SHISA6: variants seen among roughly 807,000 people sequenced by gnomAD.
The protein encoded by SHISA6 is shisa family member 6, also known as protein shisa-6.
A neutral mutation model predicts 47.9 loss-of-function variants in SHISA6; 22 were observed. The observed-to-expected ratio is 0.46, with a 90% CI of 0.33 to 0.66. The LOEUF is 0.66. SHISA6 is among the 30% of genes least tolerant of loss of function. The probability of loss-of-function intolerance (pLI) is 0.02; values close to 1 mark genes in which losing one functional copy is unlikely to be tolerated. For synonymous variants in SHISA6, 388 were observed against 337.8 expected (o/e 1.15, Z -1.63); for missense variants, 680 against 764.6 (o/e 0.89, Z 1.30).
At chr17:11,286,771 C>T (rs75194057) in intron 2 of SHISA6, among the ~76,000 whole-genome samples, 1,834 of 152,228 alleles carry the variant, frequency 0.012, 41 homozygotes, top group African/African-American at 0.042. Flanking sequence ...TCTCAAAATG[C>T]GTTTACTTGT....
chr17:11,359,359 A>G (rs1239516036), intron 2 of SHISA6, among the ~76,000 whole-genome samples: 4 of 152,230 alleles, frequency 2.6e-5, no homozygotes, highest in Non-Finnish European at 5.9e-5. Flanking sequence ...AAGGAATGCA[A>G]ACCCAGTCAA....
rs142530991 is a variant in SHISA6, at chr17:11,431,279, T to G, written c.895+51770T>G. On this transcript the variant is annotated intron_variant, in intron 3 of 5. Coordinates refer to ENST00000441885, the MANE Select transcript of SHISA6 (RefSeq NM_207386.4). Reference sequence around the variant, plus strand: ...AATTCCTAGGTGGATACAGTCCCCTTGGTAGACAGCTGCACCCTCCACACA... The same window carrying G: ...AATTCCTAGGTGGATACAGTCCCCTGGGTAGACAGCTGCACCCTCCACACA... 7.7e-3 allele frequency among the ~76,000 whole-genome samples: 1,169 copies of G among 152,246 alleles called. 23 individuals carry two copies. Among genetic ancestry groups the G allele is most frequent in the African/African-American group, 0.026 (1,100 of 41,542 alleles).
chr17:11,418,437 C>T (rs1914350784), intron 3 of SHISA6, among the ~76,000 whole-genome samples: 1 of 151,646 alleles, frequency 6.6e-6, no homozygotes, highest in Non-Finnish European at 1.5e-5. Flanking sequence ...TATTTTTTTC[C>T]TTCTGTTTTC....
At chr17:11,555,488 C>G (rs1441218155) in intron 4 of SHISA6, among the ~76,000 whole-genome samples, 1 of 151,894 alleles carries the variant, frequency 6.6e-6, no homozygotes, top group African/African-American at 2.4e-5. Context: ...ATTCGCTCCT[C>G]AGACTCAAGA....
At chr17:11,399,247 A>G (rs1410542302) in intron 3 of SHISA6, among the ~76,000 whole-genome samples, 4 of 152,276 alleles carry the variant, frequency 2.6e-5, no homozygotes, top group South Asian at 4.1e-4. Flanking sequence ...TTGTCCGGCT[A>G]CAGTGCCTGG....
At chr17:11,422,527 G>A (rs1463623427) in intron 3 of SHISA6, among the ~76,000 whole-genome samples, 1 of 152,286 alleles carries the variant, frequency 6.6e-6, no homozygotes, top group Non-Finnish European at 1.5e-5. Context: ...CAAGGCGGGC[G>A]GATCACCTGA....
chr17:11,305,439 G>A (rs1910077839), intron 2 of SHISA6, among the ~76,000 whole-genome samples: 2 of 152,230 alleles, frequency 1.3e-5, no homozygotes, highest in Admixed American at 6.5e-5. Flanking sequence ...AACGTGTCCT[G>A]GAGAGCCCCT....
intron 3 of SHISA6, among the ~76,000 whole-genome samples, chr17:11,425,871 C>T (rs1301681536): frequency 2.6e-5 from 4 of 152,162 alleles, no homozygotes; most frequent in Non-Finnish European, 5.9e-5. Flanking sequence ...TCCCCTGCAG[C>T]CCCAGTGCAA....
intron 3 of SHISA6, among the ~76,000 whole-genome samples, chr17:11,524,027 A>AAAAAGAT (rs2071654003): frequency 6.6e-6 from 1 of 151,678 alleles, no homozygotes; most frequent in Non-Finnish European, 1.5e-5. Context: ...AGAAAAAAGA[A>AAAAAGAT]AGAAAAGAAA....
At position 11,282,917 on chromosome 17, in the gene SHISA6, G is replaced by A. The variant is rs9915284; in HGVS notation, c.799+19391G>A. Among the ~76,000 whole-genome samples, 579 of 152,264 alleles carry A rather than the reference G, an allele frequency of 3.8e-3. 6 individuals are homozygous for A. Among genetic ancestry groups the A allele is most frequent in the African/African-American group, 0.013 (551 of 41,548 alleles). On this transcript the variant is annotated intron_variant, in intron 2 of 5. Transcript: ENST00000441885. ...TCCCCAAAACCACATTCCACATTCA[G>A]GTTTATAGAGTGGAGAGCTCAAAAT...
intron 3 of SHISA6, among the ~76,000 whole-genome samples, chr17:11,534,557 A>G (rs535674132): frequency 6.6e-6 from 1 of 152,328 alleles, no homozygotes; most frequent in South Asian, 2.1e-4. Context: ...ATATGTAATT[A>G]TAACACAATG....
Position 11,326,495 on chromosome 17 carries a change from C to T in SHISA6, c.800-52919C>T, listed in dbSNP as rs8078341. 6.3e-3 allele frequency among the ~76,000 whole-genome samples: 955 copies of T among 152,290 alleles called. 14 individuals carry two copies. Among genetic ancestry groups the T allele is most frequent in the African/African-American group, 0.021 (883 of 41,556 alleles). ...AGAGGGAACCAATAGGCAGTGAATT[C>T]TATGGTCTATCAGAAACAGAGCAGT... On this transcript the variant is annotated intron_variant, in intron 2 of 5. Transcript: ENST00000441885.
At chr17:11,288,572 A>T (rs1191716968) in intron 2 of SHISA6, 1 of 152,108 alleles carries the variant, frequency 6.6e-6, no homozygotes, top group Non-Finnish European at 1.5e-5. Context: ...AACAAAACTA[A>T]AAACTACTCA....
intron 2 of SHISA6, among the ~76,000 whole-genome samples, chr17:11,281,840 A>G (rs717985): frequency 0.11 from 16,867 of 152,240 alleles, 1,166 homozygotes; most frequent in African/African-American, 0.19. Context: ...TTCAGGAACA[A>G]CCAAGCATGA....
At chr17:11,499,513 G>A (rs1299798877) in intron 3 of SHISA6, among the ~76,000 whole-genome samples, 2 of 152,058 alleles carry the variant, frequency 1.3e-5, no homozygotes, top group Admixed American at 6.5e-5. Flanking sequence ...ACAACTCCCA[G>A]CTAGTTAGCA....
At position 11,371,275 on chromosome 17, in the gene SHISA6, T is replaced by C. The variant is rs527978678; in HGVS notation, c.800-8139T>C. Among the ~76,000 whole-genome samples the C allele has an allele frequency of 3.3e-5, 5 of 152,260 alleles. No individual in the cohort carries two copies. In the South Asian group the frequency reaches 1.0e-3, roughly 32 times the overall value. On this transcript the variant is annotated intron_variant, in intron 2 of 5. Transcript: ENST00000441885. ...CTGGCTCCCAGCCCCCTTCTCATTG[T>C]ATAGTCAGGGTTGTGTATTCTTGGG...
intron 2 of SHISA6, among the ~76,000 whole-genome samples, chr17:11,374,355 T>A (rs1320495157): frequency 1.3e-5 from 2 of 151,488 alleles, no homozygotes; most frequent in African/African-American, 4.9e-5. Flanking sequence ...CAGTTTAAAA[T>A]TTTTTTTTGT....
chr17:11,284,731 A>G (rs4792118), intron 2 of SHISA6, among the ~76,000 whole-genome samples: 33,867 of 152,104 alleles, frequency 0.22, 3,852 homozygotes, highest in African/African-American at 0.24. Flanking sequence ...TAATGATTCT[A>G]TTGATGCTGT....
At chr17:11,335,464 G>A (rs576574577) in intron 2 of SHISA6, among the ~76,000 whole-genome samples, 2 of 152,316 alleles carry the variant, frequency 1.3e-5, no homozygotes, top group East Asian at 3.9e-4. Flanking sequence ...AAGGCAGGAA[G>A]AGAGGAATGA....
Sources: gnomAD v4.1 joint callset for allele counts (sites outside exome capture counted in the v4.1 genomes callset) on GRCh38, gnomAD v4.1.1 for gene constraint, MANE v1.5 for transcripts, NCBI Gene and HGNC (gene_info 2026-07-23, HGNC 2026-07-21) for gene names.